VGLL4: variants seen among roughly 807,000 people sequenced by gnomAD.
The protein encoded by VGLL4 is vestigial like family member 4.
In VGLL4, 7 loss-of-function variants were observed where a neutral mutation model predicts 21.0. That is an observed-to-expected ratio of 0.33 (90% CI 0.19 to 0.63). The LOEUF (loss-of-function observed/expected upper bound fraction) is 0.63, where lower values mean the gene tolerates loss of function less well. Among genes scored for constraint, VGLL4 ranks in the 20% least tolerant of loss-of-function variants. The probability of loss-of-function intolerance (pLI) is 0.78; values close to 1 mark genes in which losing one functional copy is unlikely to be tolerated. For missense variants in VGLL4, 394 were observed against 425.7 expected (o/e 0.93, Z 0.66); for synonymous variants, 222 against 173.2 (o/e 1.28, Z -2.21).
At chr3:11,648,709 T>C (rs962709493), upstream of VGLL4, among the ~76,000 whole-genome samples, 3 of 152,046 alleles carry the variant, frequency 2.0e-5, no homozygotes, top group Admixed American at 1.3e-4. Flanking sequence ...AAGGAAAAAA[T>C]TGAAAAACCA....
At chr3:11,673,846 T>A (rs772452910) in intron 2 of VGLL4, among the ~76,000 whole-genome samples, 1 of 151,764 alleles carries the variant, frequency 6.6e-6, no homozygotes, top group Non-Finnish European at 1.5e-5. Flanking sequence ...AAATCCTGTC[T>A]CTACTAAAAA....
At chr3:11,615,207 T>C (rs1261749533) in intron 1 of VGLL4, among the ~76,000 whole-genome samples, 2 of 152,176 alleles carry the variant, frequency 1.3e-5, no homozygotes, top group Non-Finnish European at 2.9e-5. Context: ...CGAACTGACC[T>C]GTCTCTTTTT....
In VGLL4 at chr3:11,556,073, T is replaced by G. The variant is rs1559839556; in HGVS notation, c.*2483A>C. The G allele has an allele frequency of 6.5e-6, 1 of 152,726 alleles. No homozygotes were observed. Among genetic ancestry groups the G allele is most frequent in the Non-Finnish European group, 1.5e-5 (1 of 68,026 alleles). 9.5% of individuals were successfully genotyped at this position (152,726 alleles called of 1,614,324 possible). ...AAACTGCACACGTACACTATGTGGTTTAAGAGCACTTTATTATTGTTCTTA... is the reference window on the plus strand; with the variant it reads ...AAACTGCACACGTACACTATGTGGTGTAAGAGCACTTTATTATTGTTCTTA... On this transcript the variant is annotated 3_prime_UTR_variant, in exon 5 of 5. Transcript: ENST00000430365.
chr3:11,679,730 AG>A (rs2076344333), intron 2 of VGLL4, among the ~76,000 whole-genome samples: 1 of 152,068 alleles, frequency 6.6e-6, no homozygotes, highest in Non-Finnish European at 1.5e-5. Flanking sequence ...AAAGAAAGAA[AG>A]TATTTTTGTT....
chr3:11,704,298 G>A (rs994854589), intron 1 of VGLL4, among the ~76,000 whole-genome samples: 1 of 148,236 alleles, frequency 6.7e-6, no homozygotes. Flanking sequence ...CAGGAAGATC[G>A]CTTGTACCCG....
rs541097156 is a variant in VGLL4 at position 11,656,379 on chromosome 3, T to G, written c.64+46592A>C. The stretch of plus-strand genomic sequence containing the variant: ...AGATGGTGTCCAACACAGGGAGGGA[T>G]CCACGGTGACATATAAGGCCCCCGG... On this transcript the variant is annotated intron_variant, in intron 2 of 5. Transcript: ENST00000273038. 3.3e-5 allele frequency among the ~76,000 whole-genome samples: 5 copies of G among 152,266 alleles called. No homozygotes were observed. The East Asian group carries it at 9.7e-4, about 29-fold the overall frequency.
Position 11,565,598 on chromosome 3 carries a change from G to T in VGLL4, c.273-579C>A, listed in dbSNP as rs556146497. On this transcript the variant is annotated intron_variant, in intron 2 of 4. Coordinates refer to ENST00000430365, the MANE Select transcript of VGLL4 (RefSeq NM_001128219.3). This position sits in a 1 kb window ranked among gnomAD's most constrained non-coding sequence, Gnocchi z 4.1. Reference sequence around the variant, plus strand: ...ATCAGCTCAGACTCCCAGCTGACATGTGGTGGCACGTGCTCTGGGGTTCCC... The same window carrying T: ...ATCAGCTCAGACTCCCAGCTGACATTTGGTGGCACGTGCTCTGGGGTTCCC... Among the ~76,000 whole-genome samples, 55 of 152,322 alleles carry T rather than the reference G, an allele frequency of 3.6e-4. No individual in the cohort carries two copies. Among genetic ancestry groups the T allele is most frequent in the African/African-American group, 1.2e-3 (49 of 41,570 alleles).
chr3:11,703,602 A>G (rs1472548895), intron 1 of VGLL4, among the ~76,000 whole-genome samples: 1 of 152,236 alleles, frequency 6.6e-6, no homozygotes, highest in Non-Finnish European at 1.5e-5. Context: ...ATCTAGCATC[A>G]TGTTTTTTAA....
chr3:11,564,009 C>T (rs933544080), intron 3 of VGLL4, among the ~76,000 whole-genome samples: 31 of 152,254 alleles, frequency 2.0e-4, no homozygotes, highest in African/African-American at 6.3e-4. Context: ...GCACAGAGCC[C>T]GGAGGCACCC....
At chr3:11,699,643 CAA>C (rs372645489) in intron 2 of VGLL4, 2 of 151,648 alleles carry the variant, frequency 1.3e-5, no homozygotes, top group Non-Finnish European at 2.9e-5. Flanking sequence ...CCCATCTCTA[CAA>C]AAAAAAGAAA....
intron 2 of VGLL4, chr3:11,671,398 T>C (rs1414948821): frequency 4.7e-6 from 4 of 848,866 alleles, no homozygotes; most frequent in East Asian, 4.8e-5. Flanking sequence ...GGTGACGCTG[T>C]GGGCCACATG....
In VGLL4 at chr3:11,612,394, T is replaced by C. The variant is rs1189269353; in HGVS notation, c.83-10372A>G. Among the ~76,000 whole-genome samples the C allele has an allele frequency of 6.6e-5, 10 of 152,318 alleles. No individual in the cohort carries two copies. In the East Asian group the frequency reaches 1.9e-3, roughly 29 times the overall value. On this transcript the variant is annotated intron_variant, in intron 1 of 4. Transcript: ENST00000430365. The stretch of plus-strand genomic sequence containing the variant: ...TCAAACTAATGTCTTACTATACATA[T>C]CATTTTGGCTTGAAGAAAACTCAGG...
intron 2 of VGLL4, among the ~76,000 whole-genome samples, chr3:11,680,605 G>A (rs1349330990): frequency 1.3e-5 from 2 of 152,122 alleles, no homozygotes; most frequent in Non-Finnish European, 2.9e-5. Flanking sequence ...ACACCATTCA[G>A]CCACTCTTTT....
At chr3:11,630,933 CAG>C (rs111352876) in intron 1 of VGLL4, among the ~76,000 whole-genome samples, 2,949 of 152,228 alleles carry the variant, frequency 0.019, 86 homozygotes, top group African/African-American at 0.065. Flanking sequence ...TACTTGGCCA[CAG>C]AATAAACAAT....
At chr3:11,718,413 C>T (rs775753926) in intron 1 of VGLL4, among the ~76,000 whole-genome samples, 24 of 152,214 alleles carry the variant, frequency 1.6e-4, no homozygotes, top group Admixed American at 3.9e-4. Context: ...GACAGCTTTA[C>T]TGCTCCGACC....
upstream of VGLL4, among the ~76,000 whole-genome samples, chr3:11,648,652 G>T (rs971908029): frequency 2.0e-5 from 3 of 152,020 alleles, no homozygotes; most frequent in Non-Finnish European, 4.4e-5. Flanking sequence ...TACAGTGAAG[G>T]ATAAATGTTC....
intron 2 of VGLL4, among the ~76,000 whole-genome samples, chr3:11,595,843 G>GC (rs1266926989): frequency 0.12 from 2,900 of 24,364 alleles, 112 homozygotes; most frequent in African/African-American, 0.29. Context: ...TTGTGGTGTG[G>GC]GGGGGGCGGG....
At chr3:11,611,826 C>T (rs1325479329) in intron 1 of VGLL4, 1 of 151,788 alleles carries the variant, frequency 6.6e-6, no homozygotes, top group African/African-American at 2.4e-5. Context: ...GCCAGAGGAA[C>T]CTCGACCTCC....
intron 1 of VGLL4, 88 bp downstream of exon 1, chr3:11,643,349 G>A: frequency 6.2e-7 from 1 of 1,601,580 alleles, no homozygotes; most frequent in African/African-American, 1.3e-5. Flanking sequence ...GAGGAGGACA[G>A]CGGGCGCTTA....
Sources: gnomAD v4.1 joint callset for allele counts (sites outside exome capture counted in the v4.1 genomes callset) on GRCh38, gnomAD v4.1.1 for gene constraint, Gnocchi (gnomAD v3.1) non-coding constraint, MANE v1.5 for transcripts, NCBI Gene and HGNC (gene_info 2026-07-23, HGNC 2026-07-21) for gene names.